GNS: variants seen among roughly 807,000 people sequenced by gnomAD.
The protein encoded by GNS is glucosamine (N-acetyl)-6-sulfatase.
In GNS, 40 loss-of-function variants were observed where a neutral mutation model predicts 69.7. That is an observed-to-expected ratio of 0.57 (90% CI 0.45 to 0.75). The LOEUF is 0.75. Ranked by LOEUF, GNS falls within the 30% of genes least tolerant of loss-of-function variation. The pLI, the probability that GNS is intolerant of heterozygous loss-of-function variation, is 0.00. For missense variants in GNS, 565 were observed against 685.5 expected, an observed-to-expected ratio of 0.82 and a Z score of 1.96; for synonymous variants, 243 against 251.6, an observed-to-expected ratio of 0.97 and a Z score of 0.32.
At chr12:64,730,328 T>C (rs1217596806) in intron 9 of GNS, among the ~76,000 whole-genome samples, 1 of 149,040 alleles carries the variant, frequency 6.7e-6, no homozygotes, top group Non-Finnish European at 1.5e-5. Context: ...TGAGAACATT[T>C]AGATCATCTT....
chr12:64,743,783 T>C (rs1016405082), intron 5 of GNS, among the ~76,000 whole-genome samples: 5 of 152,224 alleles, frequency 3.3e-5, no homozygotes, highest in African/African-American at 9.7e-5. Context: ...GTGAATAATA[T>C]TAGATTCAAA....
Position 64,714,350 on chromosome 12 carries a change from TAAATG to T in GNS, c.*2386_*2390del, listed in dbSNP as rs1258509564. Reference sequence around the variant, plus strand: ...CTTCTTAACATGGAAAATCAAAATCTAAATGAATACAATTAAAAGGAGGCAGCAAG... The same window carrying T: ...CTTCTTAACATGGAAAATCAAAATCTAATACAATTAAAAGGAGGCAGCAAG... On this transcript the variant is annotated 3_prime_UTR_variant, in exon 14 of 14. Coordinates refer to ENST00000258145, the MANE Select transcript of GNS (RefSeq NM_002076.4). 1.3e-5 allele frequency: 2 copies of T among 152,160 alleles called. No individual in the cohort carries two copies. The highest frequency in any genetic ancestry group is 2.9e-5 in the Non-Finnish European group (2 of 68,042). The allele number at this position is 152,160 out of a possible 1,614,324, so 9.4% of individuals were successfully genotyped here.
At position 64,745,737 on chromosome 12, in the gene GNS, A is replaced by G; in HGVS notation, c.460-13T>C. 6.5e-7 allele frequency: 1 copy of G among 1,530,796 alleles called. No homozygotes were observed. Among genetic ancestry groups the G allele is most frequent in the African/African-American group, 1.4e-5 (1 of 73,418 alleles). The allele number at this position is 1,530,796 out of a possible 1,614,324, so 94.8% of individuals were successfully genotyped here. A position where few individuals can be genotyped will look rare whatever the true frequency, so the allele number is the denominator to read the frequency against. ...CTGGGGCTCCGTACTGAAAAGCAAA[A>G]CAAGTAGGGACAATTACAAGTCCTT... is the stretch of plus-strand genomic sequence containing the variant. On this transcript the variant is annotated splice_polypyrimidine_tract_variant and intron_variant, in intron 3 of 13. Coordinates refer to ENST00000258145, the MANE Select transcript of GNS (RefSeq NM_002076.4).
rs1001532133 is a variant in GNS, at chr12:64,727,809, T to C, written c.1200+1147A>G. Among the ~76,000 whole-genome samples the C allele has an allele frequency of 9.8e-5, 15 of 152,288 alleles. No homozygotes were observed. The East Asian group carries it at 1.9e-3, about 20-fold the overall frequency. ...ATCTGGATTTTCAGTTTTCTCCTAT[T>C]AGAGTGACTAATGTGCCTGGGAGTT... is the stretch of plus-strand genomic sequence containing the variant. On this transcript the variant is annotated intron_variant, in intron 10 of 13. Transcript: ENST00000258145.
intron 1 of GNS, among the ~76,000 whole-genome samples, chr12:64,753,769 A>C (rs1870154693): frequency 6.6e-6 from 1 of 152,238 alleles, no homozygotes; most frequent in South Asian, 2.1e-4. Flanking sequence ...GAGGATTCTA[A>C]CTTATCCAAA....
intron 1 of GNS, among the ~76,000 whole-genome samples, chr12:64,753,799 T>C (rs1359514971): frequency 6.6e-6 from 1 of 152,158 alleles, no homozygotes; most frequent in Non-Finnish European, 1.5e-5. Flanking sequence ...GATAATTTCA[T>C]GAGTAGATCC....
At chr12:64,749,177 G>A (rs1388140672) in intron 2 of GNS, among the ~76,000 whole-genome samples, 1 of 148,852 alleles carries the variant, frequency 6.7e-6, no homozygotes, top group Non-Finnish European at 1.5e-5. Flanking sequence ...CTGACCTCAT[G>A]ATCCACCTGC....
intron 6 of GNS, among the ~76,000 whole-genome samples, chr12:64,742,548 C>T (rs1232325272): frequency 2.6e-5 from 4 of 152,184 alleles, no homozygotes; most frequent in Admixed American, 2.6e-4. Flanking sequence ...CTTTATGACT[C>T]ATTCTTTCTA....
intron 9 of GNS, among the ~76,000 whole-genome samples, chr12:64,736,446 G>A (rs759280301): frequency 2.3e-4 from 35 of 152,278 alleles, no homozygotes; most frequent in African/African-American, 7.9e-4. Context: ...GACATCACCC[G>A]GGAGCTGATC....
At chr12:64,740,958 A>C (rs1308670674) in intron 6 of GNS, among the ~76,000 whole-genome samples, 1 of 152,152 alleles carries the variant, frequency 6.6e-6, no homozygotes, top group Non-Finnish European at 1.5e-5. Context: ...GGCAGTATTA[A>C]GAGATTTTAG....
At position 64,759,313 on chromosome 12, in the gene GNS, G is replaced by A. The variant is rs1870397282; in HGVS notation, c.-37C>T. ...TCCGGGGTGACCCCGGGACGGGACGGGACGGAGGGACGCACAGGTAGCTGA... is the reference window on the plus strand; with the variant it reads ...TCCGGGGTGACCCCGGGACGGGACGAGACGGAGGGACGCACAGGTAGCTGA... On this transcript the variant is annotated 5_prime_UTR_variant, in exon 1 of 14. Transcript: ENST00000258145. 2.2e-6 allele frequency: 3 copies of A among 1,361,662 alleles called. No individual in the cohort carries two copies. The highest frequency in any genetic ancestry group is 2.9e-6 in the Non-Finnish European group (3 of 1,022,630). 84.3% of individuals were successfully genotyped at this position (1,361,662 alleles called of 1,614,324 possible).
At position 64,713,697 on chromosome 12, in the gene GNS, C is replaced by T. The variant is rs761900545; in HGVS notation, c.*3044G>A. ...AACTTTTGCTTTCTTTAGGATGAATCCTGGGACAACTTTCCTTTAAAAAAG... is the reference window on the plus strand; with the variant it reads ...AACTTTTGCTTTCTTTAGGATGAATTCTGGGACAACTTTCCTTTAAAAAAG... On this transcript the variant is annotated 3_prime_UTR_variant, in exon 14 of 14. Coordinates refer to ENST00000258145, the MANE Select transcript of GNS (RefSeq NM_002076.4). 3 of 152,272 alleles carry T rather than the reference C, an allele frequency of 2.0e-5. No homozygotes were observed. Among genetic ancestry groups the T allele is most frequent in the Non-Finnish European group, 4.4e-5 (3 of 68,028 alleles). The allele number at this position is 152,272 out of a possible 1,614,324, so 9.4% of individuals were successfully genotyped here.
rs1464367780 is a variant in GNS, at chr12:64,759,360, G to A, written c.-84C>T. 10 of 947,600 alleles carry A rather than the reference G, an allele frequency of 1.1e-5. No individual in the cohort carries two copies. The highest frequency in any genetic ancestry group is 1.4e-5 in the Non-Finnish European group (9 of 654,304). 58.7% of individuals were successfully genotyped at this position (947,600 alleles called of 1,614,324 possible). A position where few individuals can be genotyped will look rare whatever the true frequency, so the allele number is the denominator to read the frequency against. On this transcript the variant is annotated 5_prime_UTR_variant, in exon 1 of 14. Coordinates refer to ENST00000258145, the MANE Select transcript of GNS (RefSeq NM_002076.4). ...CTGAAGGGCGAGAGGCCGACCAGCC[G>A]AAGGAATAAAAAGCCGTGCCTTGAA...
chr12:64,751,945 G>A (rs1355095706), intron 2 of GNS, among the ~76,000 whole-genome samples: 5 of 125,794 alleles, frequency 4.0e-5, no homozygotes, highest in East Asian at 4.3e-4. Flanking sequence ...TCGAGATTGC[G>A]CCACTCAAAA....
rs771018081 is a variant in GNS at position 64,747,709 on chromosome 12, T to A, written c.459+3A>T. On this transcript the variant is annotated splice_donor_region_variant and intron_variant, in intron 3 of 13. Coordinates refer to ENST00000258145, the MANE Select transcript of GNS (RefSeq NM_002076.4). ...AAAAAAAGAAACAGATCATTCAACATACCTCATTTAAATATTTCCCTGCAA... is the reference window on the plus strand; with the variant it reads ...AAAAAAAGAAACAGATCATTCAACAAACCTCATTTAAATATTTCCCTGCAA... 1 of 1,461,346 alleles carries A rather than the reference T, an allele frequency of 6.8e-7. No individual in the cohort carries two copies. Among genetic ancestry groups the A allele is most frequent in the South Asian group, 1.1e-5 (1 of 88,006 alleles). 90.5% of individuals were successfully genotyped at this position (1,461,346 alleles called of 1,614,324 possible).
intron 9 of GNS, 101 bp from the exon 10 acceptor site, chr12:64,729,158 C>T (rs1869307018): frequency 2.7e-6 from 2 of 733,206 alleles, no homozygotes; most frequent in Admixed American, 2.0e-5. Context: ...CATGAGACAA[C>T]AGCACTATTA....
At chr12:64,739,957 C>T (rs1394866119) in intron 7 of GNS, among the ~76,000 whole-genome samples, 1 of 152,212 alleles carries the variant, frequency 6.6e-6, no homozygotes, top group Non-Finnish European at 1.5e-5. Flanking sequence ...CAAGCTATGA[C>T]TCATGGGCCA....
At chr12:64,739,288 T>C (rs1171563417) in intron 8 of GNS, 93 bp downstream of exon 8, 7 of 810,560 alleles carry the variant, frequency 8.6e-6, no homozygotes, top group Non-Finnish European at 1.3e-5. Flanking sequence ...TCCACAGTTA[T>C]AAAAAGACTA....
chr12:64,745,866 A>C (rs925486520), intron 3 of GNS, 142 bp from the exon 4 acceptor site: 18 of 683,244 alleles, frequency 2.6e-5, no homozygotes, highest in Admixed American at 1.1e-4. Flanking sequence ...ACTAGTCAAA[A>C]ATAAACGCTA....
Sources: allele counts gnomAD v4.1 joint callset (sites outside exome capture counted in the v4.1 genomes callset), GRCh38; gene constraint gnomAD v4.1.1; transcripts MANE v1.5; gene names NCBI Gene and HGNC (gene_info 2026-07-23, HGNC 2026-07-21).